NME9: variants seen among roughly 807,000 people sequenced by gnomAD.
NME9 encodes the protein NME/NM23 family member 9.
In NME9, 48 loss-of-function variants were observed where a neutral mutation model predicts 44.4. That is an observed-to-expected ratio of 1.08 (90% CI 0.86 to 1.37). NME9 has a LOEUF of 1.37. NME9 is among the 40% of genes most tolerant of loss of function. The pLI is 0.00. For synonymous variants in NME9, 139 were observed against 147.1 expected, an observed-to-expected ratio of 0.94 and a Z score of 0.40; for missense variants, 325 against 405.2, an observed-to-expected ratio of 0.80 and a Z score of 1.70.
At chr3:138,323,258 A>G (rs1478964227) in intron 2 of NME9, among the ~76,000 whole-genome samples, 5 of 152,222 alleles carry the variant, frequency 3.3e-5, no homozygotes, top group Non-Finnish European at 7.3e-5. Context: ...TCTACTGAAA[A>G]TACAAAAATT....
At chr3:138,318,018 T>TCACA (rs2053204852) in intron 4 of NME9, 130 bp downstream of exon 4, 1 of 676,028 alleles carries the variant, frequency 1.5e-6, no homozygotes, top group African/African-American at 1.8e-5. Context: ...ATCACTTGTT[T>TCACA]GAATCTGTGA....
At chr3:138,317,468 G>A (rs2108453062) in intron 4 of NME9, among the ~76,000 whole-genome samples, 1 of 152,292 alleles carries the variant, frequency 6.6e-6, no homozygotes, top group Middle Eastern at 3.4e-3. Context: ...CTAAACCTAG[G>A]AAGCCAAGTG....
At chr3:138,318,067 T>C in intron 4 of NME9, 81 bp downstream of exon 4, 2 of 898,138 alleles carry the variant, frequency 2.2e-6, no homozygotes, top group South Asian at 2.7e-5. Flanking sequence ...CAAGAGTGAA[T>C]TAATGTCAGT....
downstream of NME9, among the ~76,000 whole-genome samples, chr3:138,300,311 C>T (rs1361452722): frequency 2.0e-5 from 3 of 152,128 alleles, no homozygotes; most frequent in Non-Finnish European, 4.4e-5. Context: ...TCCGTGTGTC[C>T]CCTGAGCACA....
At chr3:138,284,507 A>G (rs767262292) in intron 8 of NME9, 2 of 1,612,312 alleles carry the variant, frequency 1.2e-6, no homozygotes, top group Non-Finnish European at 1.7e-6. Context: ...GATATCCTAC[A>G]GAAAATCAAG....
chr3:138,308,523 A>C (rs1300673284), intron 6 of NME9, among the ~76,000 whole-genome samples: 2 of 152,214 alleles, frequency 1.3e-5, no homozygotes, highest in African/African-American at 2.4e-5. Context: ...TGGGGAACAC[A>C]GGAAAGAGGT....
Position 138,304,937 on chromosome 3 carries a change from T to C in NME9, c.727A>G (p.Thr243Ala), listed in dbSNP as rs1280543501. Residue 243 changes from threonine (T) to alanine (A), a missense_variant, in exon 9 of 11, where the codon ACT (threonine) becomes GCT (alanine). Physicochemically the swap from Thr to Ala is moderately conservative, Grantham distance 58. Coordinates refer to ENST00000333911, the MANE Select transcript of NME9 (RefSeq NM_001349018.2). Reference sequence around the variant, plus strand: ...GGGCCCATGACGGTTCGCCAGGTAGTGACCACGTCCTCGAAGCCCTCAGTC... The same window carrying C: ...GGGCCCATGACGGTTCGCCAGGTAGCGACCACGTCCTCGAAGCCCTCAGTC... Reference protein sequence around the residue: ...TRTEGFEDVVTTWRTVMGPRD... With the variant: ...TRTEGFEDVVATWRTVMGPRD... 2 of 1,614,180 alleles carry C rather than the reference T, an allele frequency of 1.2e-6. No homozygotes were observed. The highest frequency in any genetic ancestry group is 2.2e-5 in the South Asian group (2 of 91,082).
intron 2 of NME9, 176 bp downstream of exon 2, chr3:138,324,697 C>A: frequency 4.3e-5 from 1 of 23,250 alleles, no homozygotes; most frequent in Non-Finnish European, 1.5e-4. Context: ...GCCAGATACA[C>A]ACACACACAC....
intron 8 of NME9, chr3:138,290,514 A>G (rs2050835376): frequency 6.6e-7 from 1 of 1,507,676 alleles, no homozygotes; most frequent in South Asian, 1.2e-5. Flanking sequence ...TGCCTGGGTC[A>G]TGTTCCCAGT....
chr3:138,320,067 A>G (rs1268156861), intron 2 of NME9, among the ~76,000 whole-genome samples: 1 of 152,248 alleles, frequency 6.6e-6, no homozygotes, highest in Non-Finnish European at 1.5e-5. Context: ...GCAGAGTTTT[A>G]TCTACTTTAG....
chr3:138,263,404 G>A (rs576924118), intron 8 of NME9: 3 of 252,506 alleles, frequency 1.2e-5, no homozygotes, highest in Admixed American at 9.8e-5. Flanking sequence ...CCTGCCCAAT[G>A]AGAGTTCATT....
chr3:138,296,585 G>A (rs2051508298), downstream of NME9: 1 of 152,102 alleles, frequency 6.6e-6, no homozygotes, highest in Non-Finnish European at 1.5e-5. Context: ...TAGTTGGCCT[G>A]ATTAACAGGC....
intron 8 of NME9, among the ~76,000 whole-genome samples, chr3:138,274,233 ATGTGTGTG>A (rs142329302): frequency 4.9e-5 from 7 of 142,268 alleles, no homozygotes; most frequent in East Asian, 2.0e-4. Flanking sequence ...GTGTATATAC[ATGTGTGTG>A]TGTGTGTGTG....
At chr3:138,315,849 C>A (rs1021141391) in intron 4 of NME9, among the ~76,000 whole-genome samples, 1 of 151,476 alleles carries the variant, frequency 6.6e-6, no homozygotes, top group South Asian at 2.1e-4. Context: ...TTTGTTTGTT[C>A]GAGACGGAGT....
intron 9 of NME9, 118 bp downstream of exon 9, chr3:138,304,755 C>A: frequency 1.0e-6 from 1 of 984,944 alleles, no homozygotes; most frequent in Non-Finnish European, 1.5e-6. Context: ...AATAGAGAGC[C>A]TGGCCATCAG....
intron 1 of NME9, among the ~76,000 whole-genome samples, chr3:138,326,239 C>T (rs563605878): frequency 1.3e-5 from 2 of 152,318 alleles, no homozygotes; most frequent in South Asian, 4.1e-4. Context: ...GATCATTCCT[C>T]TCACTACTCC....
At position 138,318,175 on chromosome 3, in the gene NME9, C is replaced by T; in HGVS notation, c.240G>A (p.Lys80=). The T allele has an allele frequency of 6.2e-7, 1 of 1,612,086 alleles. No individual in the cohort carries two copies. Among genetic ancestry groups the T allele is most frequent in the Non-Finnish European group, 8.5e-7 (1 of 1,178,118 alleles). The part of the protein sequence containing the change: ...RLDVLEKYRG[K]CEPTFLFYAG... ...CATAAAACAGAAAGGTTGGCTCGCA[C>T]TTCCCTCTGTACTTTTCGAGGACAT... Residue 80 remains lysine (K), a synonymous_variant, in exon 4 of 11, where the codon AAG becomes AAA. Transcript: ENST00000333911.
At chr3:138,267,768 A>G (rs1221993867) in intron 8 of NME9, among the ~76,000 whole-genome samples, 1 of 152,144 alleles carries the variant, frequency 6.6e-6, no homozygotes, top group Non-Finnish European at 1.5e-5. Flanking sequence ...ACTAAAATAT[A>G]CCTTAATGAA....
chr3:138,272,314 C>A (rs1344325012), intron 8 of NME9, among the ~76,000 whole-genome samples: 1 of 152,114 alleles, frequency 6.6e-6, no homozygotes, highest in Non-Finnish European at 1.5e-5. Context: ...ACAGTATAAG[C>A]ATTAATAGTC....
Sources: gnomAD v4.1 joint callset for allele counts (sites outside exome capture counted in the v4.1 genomes callset) on GRCh38, gnomAD v4.1.1 for gene constraint, MANE v1.5 for transcripts, NCBI Gene and HGNC (gene_info 2026-07-23, HGNC 2026-07-21) for gene names.